RAPGEF6: variants seen among roughly 807,000 people sequenced by gnomAD.
RAPGEF6 encodes Rap guanine nucleotide exchange factor 6, also known as PDZ domain containing guanine nucleotide exchange factor (GEF) 2.
In RAPGEF6, 56 loss-of-function variants were observed where a neutral mutation model predicts 171.4. That is an observed-to-expected ratio of 0.33 (90% CI 0.26 to 0.41). The LOEUF is 0.41. RAPGEF6 is among the 10% of genes least tolerant of loss of function. The pLI, the probability that RAPGEF6 is intolerant of heterozygous loss-of-function variation, is 1.00. For missense variants in RAPGEF6, 1,674 were observed against 1,921.4 expected, an observed-to-expected ratio of 0.87 and a Z score of 2.41; for synonymous variants, 692 against 650.1, an observed-to-expected ratio of 1.06 and a Z score of -0.98.
intron 6 of RAPGEF6, chr5:131,533,169 TACACACACACACACAC>T (rs3992020): frequency 0.076 from 10,450 of 136,918 alleles, 459 homozygotes; most frequent in Non-Finnish European, 0.11. Context: ...ATTGAAAACA[TACACACACACACACAC>T]ACACACACAC....
At chr5:131,482,123 C>T (rs189639869) in intron 15 of RAPGEF6, among the ~76,000 whole-genome samples, 68 of 152,206 alleles carry the variant, frequency 4.5e-4, no homozygotes, top group Non-Finnish European at 7.6e-4. Flanking sequence ...CAAAGCACAG[C>T]GCAAGTTTAT....
At chr5:131,563,149 A>C (rs1345541686) in intron 4 of RAPGEF6, among the ~76,000 whole-genome samples, 1 of 152,174 alleles carries the variant, frequency 6.6e-6, no homozygotes, top group Non-Finnish European at 1.5e-5. Flanking sequence ...ATAATGATAA[A>C]GCAACCAAAA....
chr5:131,621,970 G>GT (rs1270930757), intron 1 of RAPGEF6, among the ~76,000 whole-genome samples: 1 of 152,112 alleles, frequency 6.6e-6, no homozygotes, highest in East Asian at 1.9e-4. Flanking sequence ...TTGTCCATGT[G>GT]TTTTGCTATC....
intron 5 of RAPGEF6, among the ~76,000 whole-genome samples, chr5:131,548,415 T>C (rs1313918287): frequency 6.6e-6 from 1 of 152,190 alleles, no homozygotes; most frequent in Non-Finnish European, 1.5e-5. Context: ...GTCTCTCTTG[T>C]GCACATAAAC....
chr5:131,464,585 C>T (rs1754195569), intron 17 of RAPGEF6, among the ~76,000 whole-genome samples: 1 of 151,804 alleles, frequency 6.6e-6, no homozygotes, highest in African/African-American at 2.4e-5. Flanking sequence ...TATTCTTCTA[C>T]AAAACTATTT....
chr5:131,525,661 T>C (rs552600327), intron 6 of RAPGEF6, among the ~76,000 whole-genome samples: 6 of 62,566 alleles, frequency 9.6e-5, no homozygotes, highest in African/African-American at 3.2e-4. Context: ...CATTTAGATA[T>C]GAAAAAAAAA....
At chr5:131,474,490 A>G (rs1754966706) in intron 16 of RAPGEF6, among the ~76,000 whole-genome samples, 1 of 152,200 alleles carries the variant, frequency 6.6e-6, no homozygotes, top group East Asian at 1.9e-4. Flanking sequence ...ACAAACACAG[A>G]AGGGAGAATT....
intron 17 of RAPGEF6, among the ~76,000 whole-genome samples, chr5:131,469,984 C>T (rs532758472): frequency 6.6e-6 from 1 of 152,150 alleles, no homozygotes; most frequent in East Asian, 1.9e-4. Flanking sequence ...GGCTGTTACA[C>T]ATGTCCTATA....
intron 2 of RAPGEF6, 104 bp from the exon 3 acceptor site, chr5:131,603,431 G>T: frequency 1.4e-6 from 1 of 728,542 alleles, no homozygotes; most frequent in South Asian, 2.0e-5. Flanking sequence ...GTTAGAAAAT[G>T]ACCAAATCTA....
In RAPGEF6 at chr5:131,489,586, A is replaced by C; in HGVS notation, c.1800T>G (p.Asn600Lys). The change falls in exon 15 of 28, where the codon AAT (asparagine) becomes AAG (lysine). Residue 600 changes from asparagine (N) to lysine (K), a missense_variant. Asn to Lys is a moderately conservative substitution (Grantham distance 94, BLOSUM62 0). Coordinates refer to ENST00000509018, the MANE Select transcript of RAPGEF6 (RefSeq NM_016340.6). ...TCACAGTAAGTGCAAGATGAGTATTATTCCTCAAAATTTCAACGGCTTTCA... is the reference window on the plus strand; with the variant it reads ...TCACAGTAAGTGCAAGATGAGTATTCTTCCTCAAAATTTCAACGGCTTTCA... ...TFMKAVEILR[N>K]NTHLALTVKT... 1 of 1,600,160 alleles carries C rather than the reference A, an allele frequency of 6.2e-7. No homozygotes were observed. Among genetic ancestry groups the C allele is most frequent in the Non-Finnish European group, 8.5e-7 (1 of 1,173,768 alleles).
chr5:131,513,977 G>C (rs973875430), intron 7 of RAPGEF6, among the ~76,000 whole-genome samples: 1 of 152,126 alleles, frequency 6.6e-6, no homozygotes, highest in Non-Finnish European at 1.5e-5. Flanking sequence ...GCAGTGAGCC[G>C]AGATCTTGCT....
chr5:131,558,218 GT>G (rs200045599), intron 5 of RAPGEF6, among the ~76,000 whole-genome samples: 371 of 131,540 alleles, frequency 2.8e-3, no homozygotes, highest in African/African-American at 5.9e-3. Context: ...TGCCAGTTTG[GT>G]TTTTTTTTTT....
At position 131,498,529 on chromosome 5, in the gene RAPGEF6, A is replaced by G; in HGVS notation, c.1333T>C (p.Leu445=). 1 of 1,613,826 alleles carries G rather than the reference A, an allele frequency of 6.2e-7. No homozygotes were observed. Among genetic ancestry groups the G allele is most frequent in the Non-Finnish European group, 8.5e-7 (1 of 1,179,850 alleles). ...VDPTYIEDFL[L]TYRTFLESPL... is the part of the protein sequence containing the mutation. ...CTTTCAAGAAATGTCCTGTAAGTTA[A>G]TAGAAAATCTTCTATATAAGTTGGA... Residue 445 remains leucine (L), a synonymous_variant, in exon 12 of 28, where the codon TTA becomes CTA. Transcript: ENST00000509018.
At position 131,425,251 on chromosome 5, in the gene RAPGEF6, CTAAA is replaced by C. The variant is rs1487858325; in HGVS notation, c.*2011_*2014del. ...GCTTCCATTTGGTTTGAAAGACCTG[CTAAA>C]TAAAGACATTATGAAAACAGCACAT... On this transcript the variant is annotated 3_prime_UTR_variant, in exon 28 of 28. Coordinates refer to ENST00000509018, the MANE Select transcript of RAPGEF6 (RefSeq NM_016340.6). 2 of 152,120 alleles carry C rather than the reference CTAAA, an allele frequency of 1.3e-5. No individual in the cohort carries two copies. Among genetic ancestry groups the C allele is most frequent in the Non-Finnish European group, 2.9e-5 (2 of 68,006 alleles). 9.4% of individuals were successfully genotyped at this position (152,120 alleles called of 1,614,324 possible). A position where few individuals can be genotyped will look rare whatever the true frequency, so the allele number is the denominator to read the frequency against.
At chr5:131,464,729 AAAGTAAGT>A (rs1238495651) in intron 17 of RAPGEF6, among the ~76,000 whole-genome samples, 1 of 152,166 alleles carries the variant, frequency 6.6e-6, no homozygotes, top group Non-Finnish European at 1.5e-5. Context: ...CCCCCTGTCA[AAAGTAAGT>A]AAGCCTCTGC....
chr5:131,617,903 G>C (rs1765369747), intron 1 of RAPGEF6, among the ~76,000 whole-genome samples: 1 of 152,152 alleles, frequency 6.6e-6, no homozygotes, highest in Non-Finnish European at 1.5e-5. Flanking sequence ...AGAACTTATT[G>C]ATTTTCTCAT....
rs762108941 is a variant in RAPGEF6, at chr5:131,505,471, C to T, written c.994G>A (p.Asp332Asn). Residue 332 changes from aspartate to asparagine, a missense_variant, in exon 10 of 28, where the codon GAT becomes AAT. By Grantham distance (23) the Asp-to-Asn change is conservative. Transcript: ENST00000509018. ...LNGTVEISHP[D>N]GKVENLFMGN... ...ATAAACAAATTTTCAACTTTTCCAT[C>T]TGGATGACTGATTTCCACAGTGCCG... The T allele has an allele frequency of 1.9e-6, 3 of 1,613,636 alleles. No homozygotes were observed. The highest frequency in any genetic ancestry group is 2.5e-6 in the Non-Finnish European group (3 of 1,179,752).
rs562421722 is a variant in RAPGEF6 at position 131,551,285 on chromosome 5, G to A, written c.352-3095C>T. The stretch of plus-strand genomic sequence containing the variant: ...TCCCAGCACTTTGGGAGGCTGAGGC[G>A]GGTGAATCATGAGGTCAGGAGTTCA... On this transcript the variant is annotated intron_variant, in intron 5 of 27. Coordinates refer to ENST00000509018, the MANE Select transcript of RAPGEF6 (RefSeq NM_016340.6). Among the ~76,000 whole-genome samples, 10 of 152,120 alleles carry A rather than the reference G, an allele frequency of 6.6e-5. No homozygotes were observed. In the East Asian group the frequency reaches 7.7e-4, roughly 12 times the overall value.
intron 1 of RAPGEF6, among the ~76,000 whole-genome samples, chr5:131,614,941 C>G (rs752054355): frequency 2.6e-5 from 4 of 152,130 alleles, no homozygotes; most frequent in Non-Finnish European, 5.9e-5. Flanking sequence ...AAGTAATAAC[C>G]CTGTGAGATC....
Sources: allele counts gnomAD v4.1 joint callset (sites outside exome capture counted in the v4.1 genomes callset), GRCh38; gene constraint gnomAD v4.1.1; transcripts MANE v1.5; gene names NCBI Gene and HGNC (gene_info 2026-07-23, HGNC 2026-07-21).